The following IZUMO2 variants were observed in gnomAD, a reference collection of about 807,000 sequenced individuals.
The protein encoded by IZUMO2 is izumo sperm-egg fusion protein 2.
A neutral mutation model predicts 31.2 loss-of-function variants in IZUMO2; 24 were observed. The ratio of observed to expected loss-of-function variants is 0.77; its 90% CI spans 0.56 to 1.08. The LOEUF is 1.08. Ranked by LOEUF, IZUMO2 falls within the 50% of genes least tolerant of loss-of-function variation. The probability of loss-of-function intolerance (pLI) is 0.00; values close to 1 mark genes in which losing one functional copy is unlikely to be tolerated. For missense variants in IZUMO2, 278 were observed against 274.0 expected, an observed-to-expected ratio of 1.01 and a Z score of -0.10; for synonymous variants, 144 against 117.3, an observed-to-expected ratio of 1.23 and a Z score of -1.47.
At chr19:50,157,503 T>C (rs1045589011) in intron 5 of IZUMO2, among the ~76,000 whole-genome samples, 2 of 151,064 alleles carry the variant, frequency 1.3e-5, no homozygotes, top group Admixed American at 6.6e-5. Context: ...GGGGTTTCAC[T>C]ATGTTGGCCA....
At position 50,163,033 on chromosome 19, in the gene IZUMO2, C is replaced by T. The variant is rs746490071; in HGVS notation, c.162G>A (p.Gly54=). Residue 54 remains glycine, a synonymous_variant, in exon 1 of 7, where the codon GGG becomes GGA. Transcript: ENST00000293405. ...FQLEQLQARA[G]AVLMGMEGPF... The stretch of plus-strand genomic sequence containing the variant: ...GCCCCTCCATGCCCATCAGCACGGC[C>T]CCGGCGCGCGCCTGCAGCTGCTCCA... 3 of 1,612,760 alleles carry T rather than the reference C, an allele frequency of 1.9e-6. No individual in the cohort carries two copies. In the East Asian group the frequency reaches 6.7e-5, roughly 36 times the overall value.
intron 6 of IZUMO2, 127 bp from the exon 7 acceptor site, chr19:50,152,778 G>A (rs2030070631): frequency 7.5e-6 from 6 of 799,310 alleles, no homozygotes; most frequent in Middle Eastern, 2.4e-4. Context: ...ATCCAGTGAC[G>A]TCATGGGCAT....
chr19:50,163,243 C>T lies in IZUMO2; in HGVS notation c.-49G>A. 6.9e-7 allele frequency: 1 copy of T among 1,440,294 alleles called. No homozygotes were observed. The highest frequency in any genetic ancestry group is 2.4e-4 in the Middle Eastern group (1 of 4,118). The allele number at this position is 1,440,294 out of a possible 1,614,324, so 89.2% of individuals were successfully genotyped here. A position where few individuals can be genotyped will look rare whatever the true frequency, so the allele number is the denominator to read the frequency against. On this transcript the variant is annotated 5_prime_UTR_variant, in exon 1 of 7. The change creates a premature stop within an existing upstream ORF in the 5' untranslated region. Coordinates refer to ENST00000293405, the MANE Select transcript of IZUMO2 (RefSeq NM_152358.3). The stretch of plus-strand genomic sequence containing the variant: ...GAGAGAACCCGGCCCGCCCCGCCTC[C>T]CAGGCGAGGGCGCGGTCAGGAGGCC...
intron 5 of IZUMO2, among the ~76,000 whole-genome samples, chr19:50,156,748 G>C (rs944718888): frequency 2.0e-5 from 3 of 151,958 alleles, no homozygotes; most frequent in Non-Finnish European, 2.9e-5. Context: ...AACATGGCAA[G>C]AATCAGTCTA....
intron 6 of IZUMO2, chr19:50,153,585 T>G (rs1361750243): frequency 6.6e-6 from 1 of 152,188 alleles, no homozygotes; most frequent in African/African-American, 2.4e-5. Flanking sequence ...GTGGATCACC[T>G]GAAGTCAGGA....
chr19:50,162,553 T>C (rs1314161615), intron 2 of IZUMO2, among the ~76,000 whole-genome samples, 186 bp downstream of exon 2: 2 of 151,808 alleles, frequency 1.3e-5, no homozygotes, highest in Admixed American at 6.6e-5. Context: ...AGGTCGAGGC[T>C]GCAGTGAGCT....
In IZUMO2 at chr19:50,162,727, C is replaced by G. The variant is rs73932425; in HGVS notation, c.307+12G>C. ...AGGGGTGCTGGAGAAGGCGTTCCCT[C>G]GTCTCTCCTACCTTTCAGAGAGTTA... On this transcript the variant is annotated intron_variant, in intron 2 of 6. Coordinates refer to ENST00000293405, the MANE Select transcript of IZUMO2 (RefSeq NM_152358.3). The G allele has an allele frequency of 0.11, 171,270 of 1,608,634 alleles. 10,401 individuals are homozygous for G. The highest frequency in any genetic ancestry group is 0.12 in the Non-Finnish European group (135,306 of 1,175,034).
At chr19:50,162,644 T>G in intron 2 of IZUMO2, 95 bp downstream of exon 2, 1 of 1,043,472 alleles carries the variant, frequency 9.6e-7, no homozygotes. Flanking sequence ...CTACATTGCA[T>G]GCGTGTTTGC....
chr19:50,153,976 G>A (rs576880473), intron 6 of IZUMO2, among the ~76,000 whole-genome samples: 2 of 143,014 alleles, frequency 1.4e-5, no homozygotes, highest in South Asian at 2.4e-4. Context: ...AAATTGAGAC[G>A]GAGAGGGGAA....
chr19:50,156,090 C>G (rs770323917), intron 5 of IZUMO2, among the ~76,000 whole-genome samples: 7 of 152,186 alleles, frequency 4.6e-5, no homozygotes, highest in Non-Finnish European at 1.0e-4. Context: ...CAGGCACTAT[C>G]TACCAAACCA....
In IZUMO2 at chr19:50,152,597, C is replaced by G. The variant is rs375852600; in HGVS notation, c.*12G>C. The G allele has an allele frequency of 1.5e-5, 24 of 1,611,270 alleles. No homozygotes were observed. Among genetic ancestry groups the G allele is most frequent in the Non-Finnish European group, 1.6e-5 (19 of 1,177,580 alleles). ...ATTTATTTTCCTTTCTCCTTACCCC[C>G]AAACCACCGTCCTACTGCAGCAGGA... On this transcript the variant is annotated 3_prime_UTR_variant, in exon 7 of 7. Coordinates refer to ENST00000293405, the MANE Select transcript of IZUMO2 (RefSeq NM_152358.3).
In IZUMO2 at chr19:50,152,614, G is replaced by A; in HGVS notation, c.661C>T (p.Gln221Ter). The change falls in exon 7 of 7, where the codon CAG becomes TAG. Residue 221 changes from glutamine (Q) to a stop codon, truncating the protein, a stop_gained. Coordinates refer to ENST00000293405, the MANE Select transcript of IZUMO2 (RefSeq NM_152358.3). LOFTEE classifies it high-confidence loss of function. ...TYRQNRKLLLQ is the reference protein window; with the variant it reads ...TYRQNRKLLL ...CTTACCCCCAAACCACCGTCCTACT[G>A]CAGCAGGAGTTTTCGGTTTTGTCTG... 3.7e-6 allele frequency: 6 copies of A among 1,613,114 alleles called. No individual in the cohort carries two copies. The highest frequency in any genetic ancestry group is 5.1e-6 in the Non-Finnish European group (6 of 1,179,126).
intron 2 of IZUMO2, among the ~76,000 whole-genome samples, chr19:50,161,424 C>T (rs936328294): frequency 6.6e-6 from 1 of 152,064 alleles, no homozygotes; most frequent in African/African-American, 2.4e-5. Flanking sequence ...GCCCGGCTGA[C>T]GCCTTTCTTT....
At chr19:50,160,965 G>T (rs974524631) in intron 2 of IZUMO2, among the ~76,000 whole-genome samples, 1 of 151,880 alleles carries the variant, frequency 6.6e-6, no homozygotes, top group Non-Finnish European at 1.5e-5. Flanking sequence ...TGTCTAAGAG[G>T]CATCTCAAAC....
chr19:50,160,145 G>A (rs1009286985), intron 2 of IZUMO2: 7 of 153,226 alleles, frequency 4.6e-5, no homozygotes, highest in Admixed American at 1.9e-4. Flanking sequence ...CACCGCACCC[G>A]ACCTCTTCTT....
intron 2 of IZUMO2, among the ~76,000 whole-genome samples, chr19:50,161,612 C>G (rs548548751): frequency 1.3e-5 from 2 of 152,278 alleles, no homozygotes; most frequent in East Asian, 3.9e-4. Context: ...AACATAGTCC[C>G]ATCTCAGGGA....
intron 6 of IZUMO2, among the ~76,000 whole-genome samples, chr19:50,153,450 C>T (rs946205646): frequency 2.0e-5 from 3 of 152,130 alleles, no homozygotes; most frequent in Admixed American, 6.5e-5. Flanking sequence ...AGAGGCTGAG[C>T]AAGTTCACAG....
chr19:50,154,587 A>G lies in IZUMO2; in HGVS notation c.623+13T>C. 1 of 1,613,796 alleles carries G rather than the reference A, an allele frequency of 6.2e-7. No homozygotes were observed. Among genetic ancestry groups the G allele is most frequent in the Non-Finnish European group, 8.5e-7 (1 of 1,179,856 alleles). ...TTCCACGGGGGACTGAGGAGGGGGCAAGGATGACTCACGAGACCACGATGA... is the reference window on the plus strand; with the variant it reads ...TTCCACGGGGGACTGAGGAGGGGGCGAGGATGACTCACGAGACCACGATGA... On this transcript the variant is annotated intron_variant, in intron 6 of 6. Transcript: ENST00000293405.
intron 2 of IZUMO2, among the ~76,000 whole-genome samples, chr19:50,162,457 A>G (rs2030430747): frequency 1.3e-5 from 2 of 151,924 alleles, no homozygotes; most frequent in Non-Finnish European, 2.9e-5. Context: ...AAAATTAAAA[A>G]GTAGAAAATT....
Sources: gnomAD v4.1 joint callset for allele counts (sites outside exome capture counted in the v4.1 genomes callset) on GRCh38, gnomAD v4.1.1 for gene constraint, MANE v1.5 for transcripts, NCBI Gene and HGNC (gene_info 2026-07-23, HGNC 2026-07-21) for gene names.